TTPA: variants seen among roughly 807,000 people sequenced by gnomAD.
The protein encoded by TTPA is alpha-tocopherol transfer protein.
Under a neutral mutation model 25.9 loss-of-function variants are expected in TTPA, and 23 were observed. The observed-to-expected ratio is 0.89, with a 90% CI of 0.64 to 1.26. TTPA has a LOEUF of 1.26. Ranked by LOEUF, TTPA falls within the 50% of genes most tolerant of loss-of-function variation. TTPA has a pLI of 0.00. For synonymous variants in TTPA, 148 were observed against 137.3 expected, an observed-to-expected ratio of 1.08 and a Z score of -0.54; for missense variants, 337 against 353.1, an observed-to-expected ratio of 0.95 and a Z score of 0.37.
chr8:63,063,738 T>C lies in TTPA; in HGVS notation c.663+468A>G, dbSNP rs536011939. ...AGCATGCCATAAACACTATTCCACATTTTGTTTATTTCAGTTTACAAAACA... is the reference window on the plus strand; with the variant it reads ...AGCATGCCATAAACACTATTCCACACTTTGTTTATTTCAGTTTACAAAACA... On this transcript the variant is annotated intron_variant, in intron 4 of 4. Coordinates refer to ENST00000260116, the MANE Select transcript of TTPA (RefSeq NM_000370.3). 1.5e-4 allele frequency among the ~76,000 whole-genome samples: 23 copies of C among 152,304 alleles called. 1 individual carries two copies. In the South Asian group the frequency reaches 4.4e-3, roughly 29 times the overall value.
rs139066106 is a variant in TTPA at position 63,078,303 on chromosome 8, C to T, written c.205-5215G>A. Among the ~76,000 whole-genome samples the T allele has an allele frequency of 1.8e-3, 268 of 152,284 alleles. 1 individual carries two copies. The highest frequency in any genetic ancestry group is 6.0e-3 in the African/African-American group (251 of 41,548). Reference sequence around the variant, plus strand: ...TCCTCCAAAGGATCACAGCTCCTCACCAGCAATAGAACAAAGCTGGATGGA... The same window carrying T: ...TCCTCCAAAGGATCACAGCTCCTCATCAGCAATAGAACAAAGCTGGATGGA... On this transcript the variant is annotated intron_variant, in intron 1 of 4. Transcript: ENST00000260116.
At chr8:63,068,426 T>C (rs1436018587) in intron 2 of TTPA, among the ~76,000 whole-genome samples, 2 of 152,198 alleles carry the variant, frequency 1.3e-5, no homozygotes. Context: ...AGTGATTCAC[T>C]TTGTTGAGAG....
chr8:63,068,417 G>A (rs934611776), intron 2 of TTPA, among the ~76,000 whole-genome samples: 7 of 152,330 alleles, frequency 4.6e-5, no homozygotes, highest in East Asian at 3.9e-4. Flanking sequence ...GAAAGCAGAA[G>A]TGATTCACTT....
chr8:63,072,358 G>A (rs1321392571), intron 2 of TTPA, among the ~76,000 whole-genome samples: 5 of 152,162 alleles, frequency 3.3e-5, no homozygotes, highest in African/African-American at 1.2e-4. Flanking sequence ...TGCCTCCCAG[G>A]TTCATGCAAT....
At position 63,059,766 on chromosome 8, in the gene TTPA, GGTTA is replaced by G. The variant is rs1172587953; in HGVS notation, c.*1482_*1485del. On this transcript the variant is annotated 3_prime_UTR_variant, in exon 5 of 5. Transcript: ENST00000260116. ...GCAGTAGAAACAGTACATCTTTACC[GGTTA>G]TTTATTTATTTATTTTTATTTTTAT... 6.6e-6 allele frequency: 1 copy of G among 151,764 alleles called. No homozygotes were observed. The highest frequency in any genetic ancestry group is 1.5e-5 in the Non-Finnish European group (1 of 67,920). The allele number at this position is 151,764 out of a possible 1,614,324, so 9.4% of individuals were successfully genotyped here.
At chr8:63,077,470 T>C (rs1261600899) in intron 1 of TTPA, among the ~76,000 whole-genome samples, 10 of 152,240 alleles carry the variant, frequency 6.6e-5, no homozygotes, top group Admixed American at 3.3e-4. Context: ...ACTGCACTTT[T>C]CCCAAGGTCT....
At position 63,061,236 on chromosome 8, in the gene TTPA, C is replaced by T; in HGVS notation, c.*16G>A. The T allele has an allele frequency of 1.2e-6, 2 of 1,612,040 alleles. No individual in the cohort carries two copies. Among genetic ancestry groups the T allele is most frequent in the African/African-American group, 1.3e-5 (1 of 75,012 alleles). On this transcript the variant is annotated 3_prime_UTR_variant, in exon 5 of 5. Transcript: ENST00000260116. ...ATGTATTTTTAGTTAGGAAGCCATTCACATGACATAACTTCTCATTGAATG... is the reference window on the plus strand; with the variant it reads ...ATGTATTTTTAGTTAGGAAGCCATTTACATGACATAACTTCTCATTGAATG...
intron 1 of TTPA, among the ~76,000 whole-genome samples, chr8:63,077,981 A>G (rs1254560296): frequency 2.0e-5 from 3 of 152,178 alleles, no homozygotes; most frequent in Non-Finnish European, 4.4e-5. Context: ...TCAGGCAGCA[A>G]TATTTGCCGT....
intron 1 of TTPA, among the ~76,000 whole-genome samples, chr8:63,079,795 G>A (rs1805631979): frequency 1.3e-5 from 2 of 152,112 alleles, no homozygotes; most frequent in African/African-American, 4.8e-5. Context: ...TCCAGGACTT[G>A]AACTCAGCTC....
chr8:63,072,286 G>A lies in TTPA; in HGVS notation c.358+649C>T, dbSNP rs146657671. Among the ~76,000 whole-genome samples, 493 of 142,022 alleles carry A rather than the reference G, an allele frequency of 3.5e-3. 7 individuals are homozygous for A. Among genetic ancestry groups the A allele is most frequent in the Admixed American group, 0.022 (319 of 14,724 alleles). The allele number at this position is 142,022 out of a possible 152,430, so 93.2% of individuals were successfully genotyped here. On this transcript the variant is annotated intron_variant, in intron 2 of 4. Coordinates refer to ENST00000260116, the MANE Select transcript of TTPA (RefSeq NM_000370.3). ...TGTTTTTTGTTTGTTTGTTTGAGAC[G>A]GACTCTTGTTCTTTTGCCCAGGCTG...
downstream of TTPA, among the ~76,000 whole-genome samples, chr8:63,059,400 C>T (rs936191833): frequency 5.9e-5 from 9 of 152,090 alleles, no homozygotes; most frequent in African/African-American, 1.2e-4. Flanking sequence ...AATCAAAACA[C>T]GTTCTCTAAA....
chr8:63,060,983 T>G lies in TTPA; in HGVS notation c.*269A>C, dbSNP rs1018450015. The stretch of plus-strand genomic sequence containing the variant: ...CATGAGCAGCTACTTTAGCAATAAC[T>G]TTCATGTTCTCTTCAAGTACAAAAT... On this transcript the variant is annotated 3_prime_UTR_variant, in exon 5 of 5. Transcript: ENST00000260116. 25 of 345,108 alleles carry G rather than the reference T, an allele frequency of 7.2e-5. No individual in the cohort carries two copies. Among genetic ancestry groups the G allele is most frequent in the African/African-American group, 5.2e-4 (25 of 48,224 alleles). 21.4% of individuals were successfully genotyped at this position (345,108 alleles called of 1,614,324 possible). A position where few individuals can be genotyped will look rare whatever the true frequency, so the allele number is the denominator to read the frequency against.
intron 4 of TTPA, 117 bp from the exon 5 acceptor site, chr8:63,061,542 C>G: frequency 1.2e-6 from 1 of 840,322 alleles, no homozygotes; most frequent in Non-Finnish European, 1.9e-6. Flanking sequence ...TAAATAGATA[C>G]CACATCCTTT....
chr8:63,065,596 AT>A (rs1211124063), intron 3 of TTPA, among the ~76,000 whole-genome samples: 1 of 152,158 alleles, frequency 6.6e-6, no homozygotes, highest in African/African-American at 2.4e-5. Flanking sequence ...GATATATTAT[AT>A]TTTTTAATCA....
downstream of TTPA, among the ~76,000 whole-genome samples, chr8:63,059,275 G>T (rs576236825): frequency 1.4e-4 from 21 of 151,140 alleles, no homozygotes; most frequent in South Asian, 4.0e-3. Context: ...CTCGTGATCC[G>T]CCCGCCTCGG....
At chr8:63,063,358 C>T (rs1271295381) in intron 4 of TTPA, among the ~76,000 whole-genome samples, 1 of 152,068 alleles carries the variant, frequency 6.6e-6, no homozygotes, top group African/African-American at 2.4e-5. Flanking sequence ...GATAAGGCTC[C>T]ATAGGCTAGG....
intron 1 of TTPA, among the ~76,000 whole-genome samples, chr8:63,074,360 AC>A (rs1274611653): frequency 2.0e-5 from 3 of 152,126 alleles, no homozygotes; most frequent in Non-Finnish European, 4.4e-5. Context: ...GCTCCCCCTC[AC>A]CCCCATCTCT....
intron 1 of TTPA, among the ~76,000 whole-genome samples, chr8:63,082,065 C>T (rs1261028784): frequency 6.6e-6 from 1 of 152,124 alleles, no homozygotes; most frequent in Non-Finnish European, 1.5e-5. Flanking sequence ...GGCCATACTG[C>T]CCAAGGTAAT....
chr8:63,066,724 C>T (rs1805396515), intron 2 of TTPA, among the ~76,000 whole-genome samples: 1 of 152,076 alleles, frequency 6.6e-6, no homozygotes, highest in Admixed American at 6.6e-5. Context: ...TCCCACCACC[C>T]CAGGACAGGC....
Sources: gnomAD v4.1 joint callset for allele counts (sites outside exome capture counted in the v4.1 genomes callset) on GRCh38, gnomAD v4.1.1 for gene constraint, MANE v1.5 for transcripts, NCBI Gene and HGNC (gene_info 2026-07-23, HGNC 2026-07-21) for gene names.